PPARGC1A: variants seen among roughly 807,000 people sequenced by gnomAD.
PPARGC1A encodes the protein peroxisome proliferator-activated receptor gamma coactivator 1-alpha.
PPARGC1A carries 25 observed loss-of-function variants against 88.7 expected under a neutral mutation model. The ratio of observed to expected loss-of-function variants is 0.28; its 90% CI spans 0.21 to 0.39. The LOEUF (loss-of-function observed/expected upper bound fraction) is 0.39, where lower values mean the gene tolerates loss of function less well. Among genes scored for constraint, PPARGC1A ranks in the 10% least tolerant of loss-of-function variants. The pLI is 1.00. For synonymous variants in PPARGC1A, 363 were observed against 355.6 expected (o/e 1.02, Z -0.24); for missense variants, 880 against 968.7 (o/e 0.91, Z 1.22).
At chr4:23,831,459 A>G in intron 3 of PPARGC1A, 98 bp downstream of exon 3, 1 of 1,113,956 alleles carries the variant, frequency 9.0e-7, no homozygotes, top group Admixed American at 2.2e-5. Flanking sequence ...ATCATTCTAA[A>G]TGAAAAAATC....
chr4:24,098,045 G>C, the PPARGC1A span, among the ~76,000 whole-genome samples: 2 of 152,218 alleles, frequency 1.3e-5, no homozygotes, highest in East Asian at 1.9e-4. Flanking sequence ...ATATGAGTTT[G>C]GATAGAAAAA....
chr4:24,358,389 G>A, the PPARGC1A span, among the ~76,000 whole-genome samples: 4 of 152,212 alleles, frequency 2.6e-5, no homozygotes, highest in Non-Finnish European at 4.4e-5. Flanking sequence ...TAAGTAACTT[G>A]TGAAGGGCCC....
At chr4:24,099,990 G>C in the PPARGC1A span, among the ~76,000 whole-genome samples, 1 of 108,592 alleles carries the variant, frequency 9.2e-6, no homozygotes, top group African/African-American at 3.5e-5. Context: ...GGGGAGGGGG[G>C]AGGGATAGCA....
chr4:24,097,539 T>C, the PPARGC1A span, among the ~76,000 whole-genome samples: 9 of 152,236 alleles, frequency 5.9e-5, no homozygotes, highest in Non-Finnish European at 1.3e-4. Flanking sequence ...AGGTGGTTTT[T>C]TTTCATTAGA....
intron 2 of PPARGC1A, 52 bp downstream of exon 2, chr4:23,884,700 G>T (rs2946385): frequency 0.4 from 616,252 of 1,522,370 alleles, 126,848 homozygotes; most frequent in Middle Eastern, 0.52. Context: ...CATGTTAGTC[G>T]GGCCCAAGCC....
chr4:24,377,327 G>T, the PPARGC1A span, among the ~76,000 whole-genome samples: 1 of 151,988 alleles, frequency 6.6e-6, no homozygotes, highest in Non-Finnish European at 1.5e-5. Context: ...TAGAAAGGAG[G>T]TGCCCAGAAA....
chr4:24,247,807 A>G, the PPARGC1A span, among the ~76,000 whole-genome samples: 1 of 152,264 alleles, frequency 6.6e-6, no homozygotes, highest in Non-Finnish European at 1.5e-5. Flanking sequence ...CCCACAAATG[A>G]AGAGATTTGG....
chr4:24,222,871 C>T, the PPARGC1A span, among the ~76,000 whole-genome samples: 1 of 152,124 alleles, frequency 6.6e-6, no homozygotes, highest in East Asian at 1.9e-4. Flanking sequence ...ACTAAACTGG[C>T]TACTAATCTA....
the PPARGC1A span, among the ~76,000 whole-genome samples, chr4:24,237,439 C>G: frequency 2.6e-5 from 4 of 152,100 alleles, no homozygotes; most frequent in African/African-American, 7.2e-5. Flanking sequence ...TCTGCCCAAC[C>G]AAATCTCCAT....
the PPARGC1A span, among the ~76,000 whole-genome samples, chr4:24,275,027 A>G: frequency 6.6e-6 from 1 of 152,226 alleles, no homozygotes; most frequent in African/African-American, 2.4e-5. Flanking sequence ...AAAAAGAAAC[A>G]TCTATTCAGA....
At chr4:24,384,558 C>CAAAAA in the PPARGC1A span, among the ~76,000 whole-genome samples, 219 of 53,308 alleles carry the variant, frequency 4.1e-3, no homozygotes, top group Non-Finnish European at 5.7e-3. Flanking sequence ...AAATGGAAAG[C>CAAAAA]AAAAAAAAAA....
chr4:24,004,479 T>C, the PPARGC1A span, among the ~76,000 whole-genome samples: 1 of 152,184 alleles, frequency 6.6e-6, no homozygotes, highest in Non-Finnish European at 1.5e-5. Flanking sequence ...GTACCACAGA[T>C]AAATCCAAAC....
chr4:24,193,208 C>T, the PPARGC1A span, among the ~76,000 whole-genome samples: 5 of 152,218 alleles, frequency 3.3e-5, no homozygotes, highest in East Asian at 7.7e-4. Flanking sequence ...GATGGAGTTG[C>T]CTTTACCTGA....
chr4:24,350,691 A>T, the PPARGC1A span, among the ~76,000 whole-genome samples: 2 of 152,246 alleles, frequency 1.3e-5, no homozygotes, highest in African/African-American at 4.8e-5. Context: ...TGAACCAAGG[A>T]ACTGTGGCTT....
At chr4:24,349,609 C>G in the PPARGC1A span, among the ~76,000 whole-genome samples, 1 of 152,144 alleles carries the variant, frequency 6.6e-6, no homozygotes, top group Non-Finnish European at 1.5e-5. Context: ...AGGCCTCACC[C>G]AGCTCCCATG....
At chr4:24,432,243 T>G in the PPARGC1A span, among the ~76,000 whole-genome samples, 1 of 152,196 alleles carries the variant, frequency 6.6e-6, no homozygotes, top group Non-Finnish European at 1.5e-5. Flanking sequence ...GACGTTGACC[T>G]TAATAAGCTT....
At chr4:24,293,682 C>T in the PPARGC1A span, among the ~76,000 whole-genome samples, 2 of 144,614 alleles carry the variant, frequency 1.4e-5, no homozygotes, top group Non-Finnish European at 3.0e-5. Flanking sequence ...CAAAGCCCAG[C>T]TTCTCTTCAA....
chr4:24,330,170 G>A, the PPARGC1A span, among the ~76,000 whole-genome samples: 2 of 152,156 alleles, frequency 1.3e-5, no homozygotes, highest in Non-Finnish European at 1.5e-5. Context: ...TAAATTCTTT[G>A]ACATTTCTCT....
chr4:24,127,792 C>T, the PPARGC1A span, among the ~76,000 whole-genome samples: 9 of 151,954 alleles, frequency 5.9e-5, no homozygotes, highest in Admixed American at 3.3e-4. Context: ...TACATAAACA[C>T]GGCTAGTACA....
Sources: allele counts gnomAD v4.1 joint callset (sites outside exome capture counted in the v4.1 genomes callset), GRCh38; gene constraint gnomAD v4.1.1; transcripts MANE v1.5; gene names NCBI Gene and HGNC (gene_info 2026-07-23, HGNC 2026-07-21).